DPYSL5: variants seen among roughly 807,000 people sequenced by gnomAD.
DPYSL5 encodes dihydropyrimidinase-related protein 5.
Under a neutral mutation model 58.4 loss-of-function variants are expected in DPYSL5, and 9 were observed. The observed-to-expected ratio is 0.15, with a 90% CI of 0.09 to 0.27. The LOEUF is 0.27. DPYSL5 is among the 10% of genes least tolerant of loss of function. The probability of loss-of-function intolerance (pLI) is 1.00; values close to 1 mark genes in which losing one functional copy is unlikely to be tolerated. For synonymous variants in DPYSL5, 293 were observed against 301.9 expected (o/e 0.97, Z 0.31); for missense variants, 499 against 770.6 (o/e 0.65, Z 4.17).
At chr2:26,941,126 G>A (rs536288845) in intron 9 of DPYSL5, among the ~76,000 whole-genome samples, 12 of 151,680 alleles carry the variant, frequency 7.9e-5, no homozygotes, top group Admixed American at 3.9e-4. Flanking sequence ...TTATAGAGGC[G>A]GGTTTTCACC....
chr2:26,939,694 T>G, intron 8 of DPYSL5: 1 of 235,506 alleles, frequency 4.2e-6, no homozygotes, highest in Non-Finnish European at 8.4e-6. Flanking sequence ...GGTATACAAT[T>G]CCATGAGAGT....
chr2:26,901,254 A>G (rs770692937), intron 2 of DPYSL5, among the ~76,000 whole-genome samples: 2 of 152,110 alleles, frequency 1.3e-5, no homozygotes, highest in Non-Finnish European at 2.9e-5. Context: ...ACACTTTGTT[A>G]TATCCATGCC....
Position 26,948,993 on chromosome 2 carries a change from T to A in DPYSL5, c.*1998T>A, listed in dbSNP as rs1049647255. 6.6e-6 allele frequency: 1 copy of A among 152,210 alleles called. No individual in the cohort carries two copies. The highest frequency in any genetic ancestry group is 1.5e-5 in the Non-Finnish European group (1 of 68,046). 9.4% of individuals were successfully genotyped at this position (152,210 alleles called of 1,614,324 possible). A position where few individuals can be genotyped will look rare whatever the true frequency, so the allele number is the denominator to read the frequency against. On this transcript the variant is annotated 3_prime_UTR_variant, in exon 13 of 13. Transcript: ENST00000288699. ...CTTATTATTCTTCCCATTTTACAGA[T>A]GAGGAAACTAAGACCCAGAAAGTTC...
rs761042519 is a variant in DPYSL5 at position 26,927,211 on chromosome 2, T to A, written c.421-42T>A. 1 of 1,579,630 alleles carries A rather than the reference T, an allele frequency of 6.3e-7. No homozygotes were observed. The highest frequency in any genetic ancestry group is 8.6e-7 in the Non-Finnish European group (1 of 1,159,862). On this transcript the variant is annotated intron_variant, in intron 3 of 12. Coordinates refer to ENST00000288699, the MANE Select transcript of DPYSL5 (RefSeq NM_020134.4). The surrounding 1 kb of genome is among the most constrained non-coding windows in gnomAD (Gnocchi z 4.3). ...GGTGCCTGCCAGTCGGCCTCTTGGG[T>A]GTCTGCCCTCACGCAGCATTGCCCT...
chr2:26,925,249 G>A lies in DPYSL5; in HGVS notation c.420+204G>A, dbSNP rs910665477. On this transcript the variant is annotated intron_variant, in intron 3 of 12. Transcript: ENST00000288699. This position sits in a 1 kb window ranked among gnomAD's most constrained non-coding sequence, Gnocchi z 4.5. ...TGCTTAACTTAATGAGCCATTTTCCGGCAGGCACAGAGAGGCCAAGGCCAG... is the reference window on the plus strand; with the variant it reads ...TGCTTAACTTAATGAGCCATTTTCCAGCAGGCACAGAGAGGCCAAGGCCAG... Among the ~76,000 whole-genome samples the A allele has an allele frequency of 2.0e-5, 3 of 152,286 alleles. No individual in the cohort carries two copies. Among genetic ancestry groups the A allele is most frequent in the Admixed American group, 6.5e-5 (1 of 15,304 alleles).
At position 26,930,246 on chromosome 2, in the gene DPYSL5, A is replaced by C. The variant is rs571193758; in HGVS notation, c.670-1394A>C. ...ACAGGAGAGAGCAAGGGGTGGACAC[A>C]CACACTAGACTTTCTTTGTTACTTA... On this transcript the variant is annotated intron_variant, in intron 5 of 12. Coordinates refer to ENST00000288699, the MANE Select transcript of DPYSL5 (RefSeq NM_020134.4). Among the ~76,000 whole-genome samples the C allele has an allele frequency of 2.8e-4, 42 of 152,310 alleles. No homozygotes were observed. The South Asian group carries it at 7.7e-3, about 28-fold the overall frequency.
In DPYSL5 at chr2:26,927,629, T is replaced by C. The variant is rs1664859849; in HGVS notation, c.600+197T>C. 6.6e-6 allele frequency among the ~76,000 whole-genome samples: 1 copy of C among 152,232 alleles called. No individual in the cohort carries two copies. The highest frequency in any genetic ancestry group is 6.5e-5 in the Admixed American group (1 of 15,280). ...TACTACTGTCTGTAAAAAACAAATC[T>C]CTTTTTATGGTTCAAAAAGGCTTCT... On this transcript the variant is annotated intron_variant, in intron 4 of 12. Transcript: ENST00000288699. The surrounding 1 kb of genome is among the most constrained non-coding windows in gnomAD (Gnocchi z 4.3).
chr2:26,890,659 T>C (rs1166428742), intron 1 of DPYSL5, among the ~76,000 whole-genome samples: 5 of 152,346 alleles, frequency 3.3e-5, no homozygotes, highest in Admixed American at 3.3e-4. Context: ...GCTAGATGCT[T>C]GTATTAGTCT....
At chr2:26,886,544 T>C (rs941759678) in intron 1 of DPYSL5, among the ~76,000 whole-genome samples, 15 of 152,244 alleles carry the variant, frequency 9.9e-5, no homozygotes, top group African/African-American at 3.6e-4. Context: ...TTATTTTAAA[T>C]CTACTCAATA....
At chr2:26,946,425 T>C (rs76261668) in intron 12 of DPYSL5, among the ~76,000 whole-genome samples, 1 of 152,030 alleles carries the variant, frequency 6.6e-6, no homozygotes, top group Admixed American at 6.5e-5. Flanking sequence ...TTTTTTTTTT[T>C]CAATCCTTCT....
rs180675445 is a variant in DPYSL5 at position 26,922,295 on chromosome 2, G to A, written c.262-2592G>A. ...TGCAGGATCAATTCAGGATAGGCGC[G>A]TGTGGGCTGGGGGCAGGCACAGAGG... On this transcript the variant is annotated intron_variant, in intron 2 of 12. Transcript: ENST00000288699. Among the ~76,000 whole-genome samples, 201 of 152,366 alleles carry A rather than the reference G, an allele frequency of 1.3e-3. 2 individuals are homozygous for A. The highest frequency in any genetic ancestry group is 4.6e-3 in the African/African-American group (193 of 41,590).
intron 2 of DPYSL5, among the ~76,000 whole-genome samples, chr2:26,904,094 G>A (rs1003558291): frequency 3.9e-5 from 6 of 152,192 alleles, no homozygotes; most frequent in Admixed American, 1.3e-4. Context: ...GCATGGGATC[G>A]GCCTAGGGGA....
intron 2 of DPYSL5, among the ~76,000 whole-genome samples, chr2:26,916,652 A>G (rs1239829978): frequency 6.6e-6 from 1 of 152,092 alleles, no homozygotes; most frequent in African/African-American, 2.4e-5. Context: ...CCTACCTTGG[A>G]GCATCCTGGC....
intron 1 of DPYSL5, among the ~76,000 whole-genome samples, chr2:26,884,123 A>G (rs975531791): frequency 6.6e-6 from 1 of 152,188 alleles, no homozygotes; most frequent in Admixed American, 6.5e-5. Context: ...AGAGCACGGG[A>G]AGCACAGCAG....
intron 1 of DPYSL5, among the ~76,000 whole-genome samples, chr2:26,859,232 T>C (rs1665953214): frequency 6.6e-6 from 1 of 152,232 alleles, no homozygotes; most frequent in Non-Finnish European, 1.5e-5. Context: ...TAAGGTTATG[T>C]TCAAGTTTTT....
chr2:26,868,303 T>A (rs1267923341), intron 1 of DPYSL5, among the ~76,000 whole-genome samples: 1 of 152,234 alleles, frequency 6.6e-6, no homozygotes, highest in Non-Finnish European at 1.5e-5. Context: ...ATTTCTATAG[T>A]ATCTTTCATT....
At chr2:26,863,138 T>TG (rs1251880512) in intron 1 of DPYSL5, among the ~76,000 whole-genome samples, 4 of 152,188 alleles carry the variant, frequency 2.6e-5, no homozygotes, top group African/African-American at 7.2e-5. Flanking sequence ...CCTTCCCACA[T>TG]GTCACCAGAA....
chr2:26,945,076 C>G (rs1361882678), intron 12 of DPYSL5, among the ~76,000 whole-genome samples: 1 of 152,104 alleles, frequency 6.6e-6, no homozygotes, highest in Non-Finnish European at 1.5e-5. Flanking sequence ...TTTCTAAGTT[C>G]AGATATTTTT....
rs1471848153 is a variant in DPYSL5, at chr2:26,927,831, A to T, written c.600+399A>T. Among the ~76,000 whole-genome samples, 2 of 152,178 alleles carry T rather than the reference A, an allele frequency of 1.3e-5. No homozygotes were observed. The highest frequency in any genetic ancestry group is 2.4e-5 in the African/African-American group (1 of 41,446). On this transcript the variant is annotated intron_variant, in intron 4 of 12. Transcript: ENST00000288699. The surrounding 1 kb of genome is among the most constrained non-coding windows in gnomAD (Gnocchi z 4.3). ...TCTGAGACATTAAAGAGATCTATTC[A>T]TGGCACCAGGAAGGATAAGCCTCTG...
Sources: gnomAD v4.1 joint callset for allele counts (sites outside exome capture counted in the v4.1 genomes callset) on GRCh38, gnomAD v4.1.1 for gene constraint, Gnocchi (gnomAD v3.1) non-coding constraint, MANE v1.5 for transcripts, NCBI Gene and HGNC (gene_info 2026-07-23, HGNC 2026-07-21) for gene names.